PPFIA2: variants seen among roughly 807,000 people sequenced by gnomAD.
PPFIA2 encodes the protein liprin-alpha-2.
PPFIA2 carries 46 observed loss-of-function variants against 175.5 expected under a neutral mutation model. That is an observed-to-expected ratio of 0.26 (90% CI 0.21 to 0.34). The LOEUF (loss-of-function observed/expected upper bound fraction) is 0.34, where lower values mean the gene tolerates loss of function less well. Among genes scored for constraint, PPFIA2 ranks in the 10% least tolerant of loss-of-function variants. PPFIA2 has a pLI of 1.00. For synonymous variants in PPFIA2, 568 were observed against 511.4 expected, an observed-to-expected ratio of 1.11 and a Z score of -1.49; for missense variants, 1,179 against 1,506.1, an observed-to-expected ratio of 0.78 and a Z score of 3.60.
At position 81,535,609 on chromosome 12, in the gene PPFIA2, T is replaced by C. The variant is rs12814305; in HGVS notation, c.304-77743A>G. On this transcript the variant is annotated intron_variant, in intron 4 of 32. Coordinates refer to ENST00000549396, the MANE Select transcript of PPFIA2 (RefSeq NM_003625.5). ...GCAAGGGAGGAAGGAAAAAAGTTCCTAAAACAGAACCACCCCACAGCAAAC... is the reference window on the plus strand; with the variant it reads ...GCAAGGGAGGAAGGAAAAAAGTTCCCAAAACAGAACCACCCCACAGCAAAC... The C allele has an allele frequency of 2.0e-3, 739 of 368,944 alleles. 4 individuals carry two copies. Among genetic ancestry groups the C allele is most frequent in the Admixed American group, 2.9e-3 (85 of 29,478 alleles). 22.9% of individuals were successfully genotyped at this position (368,944 alleles called of 1,614,324 possible). A position where few individuals can be genotyped will look rare whatever the true frequency, so the allele number is the denominator to read the frequency against.
chr12:81,382,999 A>G (rs2038085581), intron 9 of PPFIA2, among the ~76,000 whole-genome samples: 1 of 152,126 alleles, frequency 6.6e-6, no homozygotes, highest in Non-Finnish European at 1.5e-5. Flanking sequence ...AGAAGAGGAT[A>G]ATGTGCTATG....
At chr12:81,456,665 G>T (rs2053616663) in intron 5 of PPFIA2, among the ~76,000 whole-genome samples, 1 of 152,028 alleles carries the variant, frequency 6.6e-6, no homozygotes, top group Non-Finnish European at 1.5e-5. Flanking sequence ...CATAGAAGTG[G>T]TTTTTTTCTA....
At chr12:81,615,927 T>C (rs1327437247) in intron 4 of PPFIA2, among the ~76,000 whole-genome samples, 1 of 152,092 alleles carries the variant, frequency 6.6e-6, no homozygotes, top group African/African-American at 2.4e-5. Flanking sequence ...GCCATGTCCT[T>C]GAGTAGATGA....
intron 4 of PPFIA2, among the ~76,000 whole-genome samples, chr12:81,503,324 C>T (rs555225132): frequency 6.6e-6 from 1 of 152,108 alleles, no homozygotes; most frequent in African/African-American, 2.4e-5. Context: ...CTCATCCACG[C>T]TGTCCAAAAA....
chr12:81,594,956 C>T (rs1446384394), intron 4 of PPFIA2, among the ~76,000 whole-genome samples: 2 of 151,862 alleles, frequency 1.3e-5, no homozygotes, highest in African/African-American at 4.8e-5. Flanking sequence ...CCTGCTGTTG[C>T]TAGCAACTAC....
At chr12:81,336,376 T>C (rs954368195) in intron 21 of PPFIA2, among the ~76,000 whole-genome samples, 6 of 152,212 alleles carry the variant, frequency 3.9e-5, no homozygotes, top group Non-Finnish European at 5.9e-5. Context: ...AACAGACATA[T>C]TGTTGCACAT....
At chr12:81,476,858 C>T (rs1281181519) in intron 4 of PPFIA2, among the ~76,000 whole-genome samples, 1 of 152,142 alleles carries the variant, frequency 6.6e-6, no homozygotes, top group Non-Finnish European at 1.5e-5. Context: ...TGCATAAACA[C>T]CATGGAATAG....
chr12:81,362,947 T>C (rs1186445892), intron 14 of PPFIA2, among the ~76,000 whole-genome samples, 163 bp from the exon 15 acceptor site: 1 of 151,562 alleles, frequency 6.6e-6, no homozygotes, highest in Non-Finnish European at 1.5e-5. Context: ...CCCCTTGTAA[T>C]AAAAAATGTG....
At chr12:81,463,554 C>T (rs2055042003) in intron 4 of PPFIA2, among the ~76,000 whole-genome samples, 1 of 152,116 alleles carries the variant, frequency 6.6e-6, no homozygotes, top group South Asian at 2.1e-4. Context: ...CCACACAGTG[C>T]CACAACAGTA....
chr12:81,580,030 T>C (rs149353393), intron 4 of PPFIA2, among the ~76,000 whole-genome samples: 6 of 151,896 alleles, frequency 4.0e-5, no homozygotes, highest in African/African-American at 1.4e-4. Flanking sequence ...ATGCAGCCAA[T>C]AAAATCTGAA....
chr12:81,420,298 G>T lies in PPFIA2; in HGVS notation c.646-14395C>A, dbSNP rs193151177. Among the ~76,000 whole-genome samples the T allele has an allele frequency of 1.9e-3, 283 of 152,100 alleles. 1 individual carries two copies. Among genetic ancestry groups the T allele is most frequent in the African/African-American group, 6.4e-3 (267 of 41,500 alleles). ...GAAAAATCAAGAAAATGCCACAAAA[G>T]GAACACAATAATTTTCTAGTAACTG... On this transcript the variant is annotated intron_variant, in intron 7 of 32. Transcript: ENST00000549396.
intron 4 of PPFIA2, among the ~76,000 whole-genome samples, chr12:81,585,857 G>A (rs1201681019): frequency 2.0e-5 from 3 of 151,764 alleles, no homozygotes; most frequent in Admixed American, 6.6e-5. Context: ...ATAATTGTAT[G>A]TGCTATACTT....
intron 3 of PPFIA2, among the ~76,000 whole-genome samples, chr12:81,704,952 C>A (rs1267320141): frequency 2.6e-5 from 4 of 150,972 alleles, no homozygotes; most frequent in Non-Finnish European, 5.9e-5. Flanking sequence ...GGCATGGTGG[C>A]ACATGCCTGT....
chr12:81,741,723 C>T (rs2082346887), intron 3 of PPFIA2, among the ~76,000 whole-genome samples: 1 of 151,456 alleles, frequency 6.6e-6, no homozygotes, highest in South Asian at 2.1e-4. Context: ...CAATGTGGCC[C>T]AGGGAAGCCA....
intron 3 of PPFIA2, among the ~76,000 whole-genome samples, chr12:81,710,535 T>C (rs999395685): frequency 6.6e-6 from 1 of 152,134 alleles, no homozygotes; most frequent in African/African-American, 2.4e-5. Flanking sequence ...ATAGTTTGAG[T>C]ATTTCTTATC....
At chr12:81,481,511 C>T (rs752289682) in intron 4 of PPFIA2, among the ~76,000 whole-genome samples, 1 of 152,078 alleles carries the variant, frequency 6.6e-6, no homozygotes, top group East Asian at 1.9e-4. Context: ...GCTACAGTAA[C>T]CAAAACATCA....
At chr12:81,486,327 G>A (rs1378563410) in intron 4 of PPFIA2, among the ~76,000 whole-genome samples, 2 of 151,754 alleles carry the variant, frequency 1.3e-5, no homozygotes, top group Non-Finnish European at 2.9e-5. Context: ...GGTAACAAAA[G>A]TTCAGTTTAA....
chr12:81,484,073 G>A (rs1253815620), intron 4 of PPFIA2, among the ~76,000 whole-genome samples: 1 of 151,818 alleles, frequency 6.6e-6, no homozygotes, highest in Non-Finnish European at 1.5e-5. Context: ...AAAATAATGT[G>A]GCATTACCTG....
At chr12:81,723,936 A>C (rs1400383089) in intron 3 of PPFIA2, among the ~76,000 whole-genome samples, 1 of 150,980 alleles carries the variant, frequency 6.6e-6, no homozygotes, top group Non-Finnish European at 1.5e-5. Context: ...TTATCAGCTA[A>C]AATGTTTGAG....
Sources: allele counts gnomAD v4.1 joint callset (sites outside exome capture counted in the v4.1 genomes callset), GRCh38; gene constraint gnomAD v4.1.1; transcripts MANE v1.5; gene names NCBI Gene and HGNC (gene_info 2026-07-23, HGNC 2026-07-21).